The following KMT2C variants were observed in gnomAD, a reference collection of about 807,000 sequenced individuals.
KMT2C encodes the protein lysine methyltransferase 2C.
Under a neutral mutation model 507.9 loss-of-function variants are expected in KMT2C, and 88 were observed. The observed-to-expected ratio is 0.17, with a 90% CI of 0.15 to 0.21. KMT2C has a LOEUF of 0.21. Ranked by LOEUF, KMT2C falls within the 10% of genes least tolerant of loss-of-function variation. KMT2C has a pLI of 1.00. For missense variants in KMT2C, 4,954 were observed against 5,957.8 expected, an observed-to-expected ratio of 0.83 and a Z score of 5.55; for synonymous variants, 2,049 against 2,080.8, an observed-to-expected ratio of 0.98 and a Z score of 0.42.
At position 152,148,681 on chromosome 7, in the gene KMT2C, G is replaced by C; in HGVS notation, c.13246C>G (p.Pro4416Ala). 6.2e-7 allele frequency: 1 copy of C among 1,614,118 alleles called. No individual in the cohort carries two copies. The highest frequency in any genetic ancestry group is 8.5e-7 in the Non-Finnish European group (1 of 1,180,026). Residue 4416 changes from proline to alanine, a missense_variant, in exon 52 of 59, where the codon CCA (proline) becomes GCA (alanine). By Grantham distance (27) the Pro-to-Ala change is conservative. This residue lies in a region of KMT2C where 39 missense variants were observed against 101.8 expected (regional missense o/e 0.38). Transcript: ENST00000262189. The surrounding 1 kb of genome is among the most constrained non-coding windows in gnomAD (Gnocchi z 7.1). ...HEEGDGLTDGPARLLNLDLDL... is the reference protein window; with the variant it reads ...HEEGDGLTDGAARLLNLDLDL... Reference sequence around the variant, plus strand: ...AAGTCAAGGTTGAGTAGCCTTGCTGGTCCATCTGTCAATCCATCACCTTCT... The same window carrying C: ...AAGTCAAGGTTGAGTAGCCTTGCTGCTCCATCTGTCAATCCATCACCTTCT...
Position 152,148,931 on chromosome 7 carries a change from C to A in KMT2C, c.12996G>T (p.Lys4332Asn), listed in dbSNP as rs1311167464. The change falls in exon 52 of 59, where the codon AAG (lysine) becomes AAT (asparagine). Residue 4332 changes from lysine (K) to asparagine (N), a missense_variant. Physicochemically the swap from Lys to Asn is moderately conservative, Grantham distance 94. Transcript: ENST00000262189. The surrounding 1 kb of genome is among the most constrained non-coding windows in gnomAD (Gnocchi z 7.1). ...PDELKVTVKL[K>N]PRLRAVHGGF... ...CACCATGGACAGCTCTTAGCCGAGGCTTCAGCTTGACTGTCACCTTCAGCT... is the reference window on the plus strand; with the variant it reads ...CACCATGGACAGCTCTTAGCCGAGGATTCAGCTTGACTGTCACCTTCAGCT... 4 of 1,611,834 alleles carry A rather than the reference C, an allele frequency of 2.5e-6. No homozygotes were observed. Among genetic ancestry groups the A allele is most frequent in the Non-Finnish European group, 3.4e-6 (4 of 1,178,930 alleles).
At position 152,163,477 on chromosome 7, in the gene KMT2C, G is replaced by A. The variant is rs765286161; in HGVS notation, c.10100C>T (p.Pro3367Leu). Reference protein sequence around the residue: ...QLPIKTCTPAPGTVSNANPQS... With the variant: ...QLPIKTCTPALGTVSNANPQS... ...TGGATTTGCATTTGAGACTGTCCCT[G>A]GGGCTGGTGTACAAGTTTTTATTGG... The change falls in exon 43 of 59, where the codon CCA (proline) becomes CTA (leucine). Residue 3367 changes from proline (P) to leucine (L), a missense_variant. By Grantham distance (98) the Pro-to-Leu change is moderately conservative (BLOSUM62 -3). Coordinates refer to ENST00000262189, the MANE Select transcript of KMT2C (RefSeq NM_170606.3). 6.2e-7 allele frequency: 1 copy of A among 1,614,206 alleles called. No homozygotes were observed. The highest frequency in any genetic ancestry group is 8.5e-7 in the Non-Finnish European group (1 of 1,180,026).
chr7:152,255,074 G>A (rs1423992724), intron 9 of KMT2C, among the ~76,000 whole-genome samples: 2 of 131,328 alleles, frequency 1.5e-5, no homozygotes, highest in Admixed American at 8.2e-5. Context: ...TCTTGGTTAG[G>A]ATGTCTTAAA....
chr7:152,283,476 G>T (rs141827938), intron 6 of KMT2C, among the ~76,000 whole-genome samples: 3 of 151,828 alleles, frequency 2.0e-5, no homozygotes, highest in Admixed American at 6.6e-5. Context: ...CCAAAACCTG[G>T]GTGTAATTTT....
Position 152,180,810 on chromosome 7 carries a change from A to C in KMT2C, c.7050T>G (p.Ser2350=), listed in dbSNP as rs1440826659. 2 of 1,614,216 alleles carry C rather than the reference A, an allele frequency of 1.2e-6. No homozygotes were observed. Among genetic ancestry groups the C allele is most frequent in the Non-Finnish European group, 8.5e-7 (1 of 1,180,038 alleles). The change falls in exon 36 of 59, where the codon TCT becomes TCG. Residue 2350 remains serine, a synonymous_variant. Transcript: ENST00000262189. ...SPMHSQGQQF[S]GVSQLPGPVP... ...CAGGTCCAGGAAGTTGGGAGACACC[A>C]GAGAACTGCTGGCCTTGGGAGTGCA...
At chr7:152,259,489 C>CACACACAG (rs1475340079) in intron 9 of KMT2C, among the ~76,000 whole-genome samples, 7 of 113,888 alleles carry the variant, frequency 6.1e-5, no homozygotes, top group African/African-American at 2.0e-4. Flanking sequence ...CACACACACA[C>CACACACAG]AGAGAAAGCA....
chr7:152,218,447 A>C (rs1032651029), intron 23 of KMT2C, among the ~76,000 whole-genome samples: 10 of 152,094 alleles, frequency 6.6e-5, no homozygotes, highest in African/African-American at 2.4e-4. Flanking sequence ...TACAGATTAT[A>C]GGCATGAGCC....
chr7:152,146,621 G>A lies in KMT2C; in HGVS notation c.14009C>T (p.Ala4670Val), dbSNP rs750337565. 41 of 1,614,028 alleles carry A rather than the reference G, an allele frequency of 2.5e-5. No homozygotes were observed. The South Asian group carries it at 4.0e-4, about 16-fold the overall frequency. Residue 4670 changes from alanine (A) to valine (V), a missense_variant, in exon 53 of 59, where the codon GCA becomes GTA. Physicochemically the swap from Ala to Val is moderately conservative, Grantham distance 64. This residue lies in a region of KMT2C where 221 missense variants were observed against 304.7 expected (regional missense o/e 0.73). Coordinates refer to ENST00000262189, the MANE Select transcript of KMT2C (RefSeq NM_170606.3). ...GEDLFGLTVS[A>V]VARIAESLPG... ...CACTGATTCCGCTATGCGTGCCACT[G>A]CAGAGACGGTCAGGCCAAACAGATC...
intron 16 of KMT2C, among the ~76,000 whole-genome samples, chr7:152,235,227 A>C (rs1270560403): frequency 6.6e-6 from 1 of 151,226 alleles, no homozygotes; most frequent in Admixed American, 6.6e-5. Context: ...ATATATATCA[A>C]AGCTTATGGA....
rs1339600146 is a variant in KMT2C at position 152,337,386 on chromosome 7, G to A, written c.251-6647C>T. ...GCTATGTGCCAGGCATTATCTCTGG[G>A]GATGCAAAGATAAATTAGATCTAAC... On this transcript the variant is annotated intron_variant, in intron 2 of 58. Transcript: ENST00000262189. Among the ~76,000 whole-genome samples, 3 of 152,232 alleles carry A rather than the reference G, an allele frequency of 2.0e-5. No individual in the cohort carries two copies. The East Asian group carries it at 5.8e-4, about 29-fold the overall frequency.
intron 37 of KMT2C, among the ~76,000 whole-genome samples, 199 bp downstream of exon 37, chr7:152,179,635 A>C (rs2093356858): frequency 7.1e-6 from 1 of 141,408 alleles, no homozygotes; most frequent in African/African-American, 2.6e-5. Context: ...TCTTTTAAAA[A>C]ATTTTTAAAT....
chr7:152,243,545 G>A (rs1337720771), intron 14 of KMT2C, among the ~76,000 whole-genome samples: 1 of 152,124 alleles, frequency 6.6e-6, no homozygotes, highest in African/African-American at 2.4e-5. Context: ...ACTTTGGGAG[G>A]ACAAGGCGGG....
chr7:152,154,081 C>T lies in KMT2C; in HGVS notation c.12205G>A (p.Gly4069Ser). Residue 4069 changes from glycine (G) to serine (S), a missense_variant, in exon 48 of 59, where the codon GGT becomes AGT. Coordinates refer to ENST00000262189, the MANE Select transcript of KMT2C (RefSeq NM_170606.3). ...GATCTGGGACCATTTGGGGAAGGAC[C>T]AAAAGGTGACGCAAAATATAAAGTG... ...PGTLYFASPF[G>S]PSPNGPRSGL... 6.2e-7 allele frequency: 1 copy of T among 1,613,874 alleles called. No homozygotes were observed. Among genetic ancestry groups the T allele is most frequent in the Non-Finnish European group, 8.5e-7 (1 of 1,179,882 alleles).
intron 6 of KMT2C, among the ~76,000 whole-genome samples, chr7:152,280,325 G>A (rs111933273): frequency 6.6e-6 from 1 of 152,010 alleles, no homozygotes; most frequent in Admixed American, 6.5e-5. Flanking sequence ...GGCGGATCAC[G>A]AGGTCATGAG....
chr7:152,247,704 T>C (rs2095496763), intron 14 of KMT2C, among the ~76,000 whole-genome samples, 198 bp downstream of exon 14: 1 of 152,290 alleles, frequency 6.6e-6, no homozygotes, highest in Non-Finnish European at 1.5e-5. Flanking sequence ...CCAAATAAGA[T>C]CACTTCAAAT....
intron 1 of KMT2C, among the ~76,000 whole-genome samples, chr7:152,405,116 GCA>G (rs2097600220): frequency 4.5e-4 from 69 of 152,028 alleles, no homozygotes; most frequent in Admixed American, 2.3e-3. Flanking sequence ...TCCCAAAATG[GCA>G]GGATTACAGG....
intron 34 of KMT2C, among the ~76,000 whole-genome samples, chr7:152,184,072 C>CA (rs555445009): frequency 0.17 from 8,297 of 48,684 alleles, 458 homozygotes; most frequent in Non-Finnish European, 0.22. Flanking sequence ...AGCTCCATCT[C>CA]AAAAAAAAAA....
chr7:152,350,915 C>T (rs2097105670), intron 2 of KMT2C, among the ~76,000 whole-genome samples: 1 of 152,136 alleles, frequency 6.6e-6, no homozygotes, highest in Non-Finnish European at 1.5e-5. Flanking sequence ...ATCTTCCTTT[C>T]TACCCTTATT....
intron 7 of KMT2C, among the ~76,000 whole-genome samples, chr7:152,271,573 T>C (rs921885831): frequency 6.7e-6 from 1 of 148,322 alleles, no homozygotes; most frequent in East Asian, 2.0e-4. Flanking sequence ...CTTGGGAGGC[T>C]GAGGCAGGAG....
Sources: allele counts gnomAD v4.1 joint callset (sites outside exome capture counted in the v4.1 genomes callset), GRCh38; gene constraint gnomAD v4.1.1; regional missense constraint gnomAD v4.1.1; non-coding constraint Gnocchi (gnomAD v3.1); transcripts MANE v1.5; gene names NCBI Gene and HGNC (gene_info 2026-07-23, HGNC 2026-07-21).